The following PCDH15 variants were observed in gnomAD, a reference collection of about 807,000 sequenced individuals.
The protein encoded by PCDH15 is protocadherin related 15, also known as protocadherin-15.
PCDH15 carries 129 observed loss-of-function variants against 178.5 expected under a neutral mutation model. The observed-to-expected ratio is 0.72, with a 90% confidence interval of 0.63 to 0.84. The LOEUF is 0.84. Ranked by LOEUF, PCDH15 falls within the 40% of genes least tolerant of loss-of-function variation. The pLI is 0.00. For missense variants in PCDH15, 2,230 were observed against 2,099.9 expected (o/e 1.06, Z -1.21); for synonymous variants, 800 against 732.0 (o/e 1.09, Z -1.50).
intron 2 of PCDH15, among the ~76,000 whole-genome samples, chr10:54,582,966 A>G (rs2133816640): frequency 6.6e-6 from 1 of 152,254 alleles, no homozygotes; most frequent in African/African-American, 2.4e-5. Flanking sequence ...TATTAATAAA[A>G]ACAATAAAGA....
intron 1 of PCDH15, among the ~76,000 whole-genome samples, chr10:54,668,707 T>A (rs970667152): frequency 1.3e-5 from 2 of 152,182 alleles, no homozygotes; most frequent in African/African-American, 4.8e-5. Flanking sequence ...AAATACAATT[T>A]TGACAATGTT....
chr10:55,472,718 G>T (rs966066836), intron 2 of PCDH15, among the ~76,000 whole-genome samples: 8 of 152,022 alleles, frequency 5.3e-5, no homozygotes, highest in Non-Finnish European at 1.2e-4. Flanking sequence ...ACAGGCGCCC[G>T]CCACCACGCC....
At chr10:54,578,312 A>G (rs996531316) in intron 2 of PCDH15, among the ~76,000 whole-genome samples, 1 of 152,136 alleles carries the variant, frequency 6.6e-6, no homozygotes, top group Non-Finnish European at 1.5e-5. Flanking sequence ...TTTTATAAAT[A>G]TGAGTCTCAA....
intron 14 of PCDH15, among the ~76,000 whole-genome samples, chr10:54,146,852 G>A (rs2043953265): frequency 6.8e-6 from 1 of 146,808 alleles, no homozygotes; most frequent in African/African-American, 2.5e-5. Flanking sequence ...TGCTGGCTGG[G>A]TCGATCTGTA....
intron 15 of PCDH15, among the ~76,000 whole-genome samples, chr10:54,104,842 CAACAAAAAAA>C (rs2094881168): frequency 1.3e-5 from 1 of 77,156 alleles, no homozygotes; most frequent in African/African-American, 5.5e-5. Context: ...GCCTCAACAA[CAACAAAAAAA>C]AAAAAAAAAA....
chr10:53,936,990 C>A (rs953108133), intron 25 of PCDH15, among the ~76,000 whole-genome samples: 2 of 151,936 alleles, frequency 1.3e-5, no homozygotes, highest in Non-Finnish European at 2.9e-5. Flanking sequence ...ACTTAGGAGG[C>A]AAAGGTCAAT....
chr10:53,854,593 C>A (rs963500034), intron 28 of PCDH15, among the ~76,000 whole-genome samples: 4 of 151,958 alleles, frequency 2.6e-5, no homozygotes, highest in African/African-American at 7.2e-5. Context: ...GTAATAGGAT[C>A]TAAATCTCTG....
intron 2 of PCDH15, among the ~76,000 whole-genome samples, chr10:55,061,789 G>A (rs1366791416): frequency 6.6e-6 from 1 of 152,168 alleles, no homozygotes; most frequent in East Asian, 1.9e-4. Flanking sequence ...GGGAGGCCGA[G>A]GAGTGGGGGA....
chr10:54,817,252 A>G (rs1273207842), intron 3 of PCDH15, among the ~76,000 whole-genome samples: 2 of 152,048 alleles, frequency 1.3e-5, no homozygotes, highest in East Asian at 3.8e-4. Flanking sequence ...TAATAGTCTT[A>G]GAAGCTGTAA....
chr10:54,905,993 A>G (rs1049098613), intron 2 of PCDH15, among the ~76,000 whole-genome samples: 1 of 152,116 alleles, frequency 6.6e-6, no homozygotes, highest in African/African-American at 2.4e-5. Context: ...TGTACAATTC[A>G]AAGGTTTACA....
chr10:54,664,955 G>A (rs149923095), intron 1 of PCDH15, among the ~76,000 whole-genome samples: 140 of 151,232 alleles, frequency 9.3e-4, no homozygotes, highest in Middle Eastern at 3.5e-3. Flanking sequence ...AGAAATTAGT[G>A]GCCTGTGAGC....
chr10:54,796,439 C>G (rs1483626435), intron 1 of PCDH15, among the ~76,000 whole-genome samples: 1 of 149,020 alleles, frequency 6.7e-6, no homozygotes, highest in Non-Finnish European at 1.5e-5. Context: ...TATCCCTTTC[C>G]CTATCTCTTT....
At chr10:54,655,334 G>GAGAA (rs369827895) in intron 2 of PCDH15, among the ~76,000 whole-genome samples, 1 of 142,698 alleles carries the variant, frequency 7.0e-6, no homozygotes, top group Non-Finnish European at 1.5e-5. Context: ...GAGAGAAAGA[G>GAGAA]AGAAAGAAAG....
chr10:55,138,563 C>T (rs1838266658), intron 2 of PCDH15, among the ~76,000 whole-genome samples: 1 of 152,076 alleles, frequency 6.6e-6, no homozygotes, highest in Non-Finnish European at 1.5e-5. Context: ...ATTCGGGAGT[C>T]AATCTCAGAG....
chr10:53,934,278 G>C (rs1288470621), intron 25 of PCDH15, among the ~76,000 whole-genome samples: 1 of 152,116 alleles, frequency 6.6e-6, no homozygotes, highest in African/African-American at 2.4e-5. Flanking sequence ...CTAGTCACCA[G>C]ACCTTGCACC....
chr10:55,558,851 T>C (rs1842139816), intron 2 of PCDH15, among the ~76,000 whole-genome samples: 1 of 152,128 alleles, frequency 6.6e-6, no homozygotes, highest in African/African-American at 2.4e-5. Context: ...CTATAATGTA[T>C]TTGTTATTTT....
chr10:55,481,491 TAAC>T (rs1373905315), intron 2 of PCDH15, among the ~76,000 whole-genome samples: 2 of 151,614 alleles, frequency 1.3e-5, no homozygotes, highest in Admixed American at 1.3e-4. Flanking sequence ...ATTTCCCTCT[TAAC>T]AATATCTTAA....
chr10:55,306,664 G>A (rs1023158559), intron 1 of PCDH15, among the ~76,000 whole-genome samples: 2 of 152,122 alleles, frequency 1.3e-5, no homozygotes, highest in African/African-American at 4.8e-5. Flanking sequence ...ATAGAAACTC[G>A]AGATTCTCAG....
intron 1 of PCDH15, among the ~76,000 whole-genome samples, chr10:55,219,728 T>A (rs1361596517): frequency 6.6e-6 from 1 of 151,938 alleles, no homozygotes; most frequent in African/African-American, 2.4e-5. Flanking sequence ...AGACTAACAT[T>A]CATTGTTAGA....
Sources: gnomAD v4.1 joint callset for allele counts (sites outside exome capture counted in the v4.1 genomes callset) on GRCh38, gnomAD v4.1.1 for gene constraint, MANE v1.5 for transcripts, NCBI Gene and HGNC (gene_info 2026-07-23, HGNC 2026-07-21) for gene names.